PDGFD: variants seen among roughly 807,000 people sequenced by gnomAD.
PDGFD encodes platelet-derived growth factor D.
PDGFD carries 30 observed loss-of-function variants against 44.7 expected under a neutral mutation model. The ratio of observed to expected loss-of-function variants is 0.67; its 90% CI spans 0.50 to 0.91. The LOEUF (loss-of-function observed/expected upper bound fraction) is 0.91, where lower values mean the gene tolerates loss of function less well. Among genes scored for constraint, PDGFD ranks in the 40% least tolerant of loss-of-function variants. The pLI is 0.00. For missense variants in PDGFD, 445 were observed against 457.8 expected, an observed-to-expected ratio of 0.97 and a Z score of 0.25; for synonymous variants, 173 against 168.4, an observed-to-expected ratio of 1.03 and a Z score of -0.21.
At chr11:104,012,531 A>C (rs1299563022) in intron 1 of PDGFD, among the ~76,000 whole-genome samples, 1 of 152,234 alleles carries the variant, frequency 6.6e-6, no homozygotes, top group South Asian at 2.1e-4. Context: ...ATGGTGTTTT[A>C]GAATGAAACA....
At chr11:104,025,773 T>C (rs1860033700) in intron 1 of PDGFD, among the ~76,000 whole-genome samples, 1 of 152,142 alleles carries the variant, frequency 6.6e-6, no homozygotes. Flanking sequence ...AGCAACAGTG[T>C]CTGCTTCAAA....
At chr11:103,973,320 T>A (rs1859130709) in intron 3 of PDGFD, among the ~76,000 whole-genome samples, 1 of 147,814 alleles carries the variant, frequency 6.8e-6, no homozygotes. Flanking sequence ...TTTTTTTTTT[T>A]GTATTTTTAG....
rs191081566 is a variant in PDGFD at position 103,907,958 on chromosome 11, A to T, written c.*1736T>A. ...GAAGGTACATCTTCAATAAGCAGAG[A>T]TCTTTCATCTCAAATAACTGGGAAG... On this transcript the variant is annotated 3_prime_UTR_variant, in exon 7 of 7. Transcript: ENST00000393158. 2.2e-4 allele frequency: 33 copies of T among 152,258 alleles called. No homozygotes were observed. Among genetic ancestry groups the T allele is most frequent in the African/African-American group, 7.5e-4 (31 of 41,536 alleles). The allele number at this position is 152,258 out of a possible 1,614,324, so 9.4% of individuals were successfully genotyped here.
chr11:103,965,308 T>G (rs1201087291), intron 3 of PDGFD, among the ~76,000 whole-genome samples: 2 of 152,176 alleles, frequency 1.3e-5, no homozygotes, highest in Admixed American at 1.3e-4. Flanking sequence ...CATAATGGAT[T>G]CATTTAGAGA....
intron 1 of PDGFD, among the ~76,000 whole-genome samples, chr11:104,108,850 AC>A (rs1183659842): frequency 6.6e-6 from 1 of 152,166 alleles, no homozygotes; most frequent in Non-Finnish European, 1.5e-5. Context: ...GCACATATAC[AC>A]CATGGAATAC....
intron 5 of PDGFD, among the ~76,000 whole-genome samples, chr11:103,942,042 T>C: frequency 6.6e-6 from 1 of 152,104 alleles, no homozygotes; most frequent in Non-Finnish European, 1.5e-5. Flanking sequence ...GGGCCACCAG[T>C]GACTTTCTTG....
At chr11:104,111,991 A>G (rs1861565415) in intron 1 of PDGFD, among the ~76,000 whole-genome samples, 2 of 152,182 alleles carry the variant, frequency 1.3e-5, no homozygotes, top group South Asian at 4.1e-4. Context: ...CCTGCTTATT[A>G]TACTTCAGTC....
chr11:103,925,292 T>C (rs1469753740), intron 6 of PDGFD, among the ~76,000 whole-genome samples: 1 of 152,226 alleles, frequency 6.6e-6, no homozygotes, highest in Non-Finnish European at 1.5e-5. Flanking sequence ...TATAGCAGAA[T>C]GATCTATAAT....
Position 104,016,558 on chromosome 11 carries a change from C to T in PDGFD, c.125-16303G>A, listed in dbSNP as rs546132176. ...TCCCCGAGCTGAGGCCCATGTCCAC[C>T]CATCAGGGTAAAAGTAAGAAATAAG... On this transcript the variant is annotated intron_variant, in intron 1 of 6. Transcript: ENST00000393158. 2.6e-5 allele frequency among the ~76,000 whole-genome samples: 4 copies of T among 152,244 alleles called. No individual in the cohort carries two copies. In the East Asian group the frequency reaches 5.8e-4, roughly 22 times the overall value.
chr11:104,035,602 A>G (rs1394089304), intron 1 of PDGFD, among the ~76,000 whole-genome samples: 1 of 119,824 alleles, frequency 8.3e-6, no homozygotes, highest in Non-Finnish European at 1.7e-5. Context: ...ATTCTTGCTA[A>G]TTGATAATAT....
chr11:104,147,945 T>A (rs11819802), intron 1 of PDGFD, among the ~76,000 whole-genome samples: 93 of 152,304 alleles, frequency 6.1e-4, no homozygotes, highest in African/African-American at 2.1e-3. Flanking sequence ...CATTGCCTAA[T>A]GCAAATTAAC....
At chr11:104,008,578 T>C (rs1859737623) in intron 1 of PDGFD, among the ~76,000 whole-genome samples, 1 of 152,174 alleles carries the variant, frequency 6.6e-6, no homozygotes, top group Non-Finnish European at 1.5e-5. Context: ...ATAAATGTTT[T>C]AATGTAGAAA....
intron 1 of PDGFD, among the ~76,000 whole-genome samples, chr11:104,000,987 C>T (rs189553193): frequency 2.0e-4 from 30 of 152,212 alleles, no homozygotes; most frequent in Admixed American, 2.0e-4. Flanking sequence ...CCCGGGACCA[C>T]GTCTGAATTT....
chr11:104,128,253 G>C (rs1182947059), intron 1 of PDGFD, among the ~76,000 whole-genome samples: 1 of 152,034 alleles, frequency 6.6e-6, no homozygotes, highest in Non-Finnish European at 1.5e-5. Flanking sequence ...CCTTAGTAAA[G>C]GATATGCCAC....
chr11:104,098,213 G>A (rs1047709769), intron 1 of PDGFD, among the ~76,000 whole-genome samples: 1 of 152,080 alleles, frequency 6.6e-6, no homozygotes, highest in East Asian at 1.9e-4. Flanking sequence ...TCAGGGCGAG[G>A]CATTTATTTG....
intron 1 of PDGFD, among the ~76,000 whole-genome samples, chr11:104,081,724 A>G (rs1861047470): frequency 6.6e-6 from 1 of 152,138 alleles, no homozygotes; most frequent in Admixed American, 6.5e-5. Flanking sequence ...TTTCCAGGTC[A>G]TTGCCTTTGA....
At chr11:104,040,909 A>G (rs1406158223) in intron 1 of PDGFD, among the ~76,000 whole-genome samples, 1 of 152,028 alleles carries the variant, frequency 6.6e-6, no homozygotes, top group Non-Finnish European at 1.5e-5. Context: ...TATTTTATGT[A>G]TCCCACCAAG....
chr11:103,926,636 T>C (rs191786126), intron 6 of PDGFD, among the ~76,000 whole-genome samples: 215 of 152,358 alleles, frequency 1.4e-3, no homozygotes, highest in African/African-American at 5.1e-3. Flanking sequence ...GAAATTACTG[T>C]ATCACATATT....
At chr11:104,130,417 G>A (rs1027908191) in intron 1 of PDGFD, among the ~76,000 whole-genome samples, 101 of 152,136 alleles carry the variant, frequency 6.6e-4, no homozygotes, top group African/African-American at 2.4e-3. Context: ...GCTGACAGTG[G>A]TGCACAGAAG....
Sources: allele counts gnomAD v4.1 joint callset (sites outside exome capture counted in the v4.1 genomes callset), GRCh38; gene constraint gnomAD v4.1.1; transcripts MANE v1.5; gene names NCBI Gene and HGNC (gene_info 2026-07-23, HGNC 2026-07-21).